Variants in RAP1GDS1 observed in about 807,000 individuals in gnomAD.
RAP1GDS1 encodes the protein RAP1, GTP-GDP dissociation stimulator 1.
In RAP1GDS1, 35 loss-of-function variants were observed where a neutral mutation model predicts 71.1. That is an observed-to-expected ratio of 0.49 (90% CI 0.38 to 0.65). The LOEUF (loss-of-function observed/expected upper bound fraction) is 0.65, where lower values mean the gene tolerates loss of function less well. Among genes scored for constraint, RAP1GDS1 ranks in the 30% least tolerant of loss-of-function variants. RAP1GDS1 has a pLI of 0.00. For synonymous variants in RAP1GDS1, 229 were observed against 243.1 expected, an observed-to-expected ratio of 0.94 and a Z score of 0.54; for missense variants, 663 against 706.1, an observed-to-expected ratio of 0.94 and a Z score of 0.69.
chr4:98,393,659 T>C (rs961548220), intron 6 of RAP1GDS1, among the ~76,000 whole-genome samples: 1 of 152,180 alleles, frequency 6.6e-6, no homozygotes, highest in Non-Finnish European at 1.5e-5. Context: ...GTGAGCAGTT[T>C]CTAGAACAGC....
chr4:98,345,080 G>C (rs575633137), intron 3 of RAP1GDS1, among the ~76,000 whole-genome samples: 1 of 152,228 alleles, frequency 6.6e-6, no homozygotes, highest in East Asian at 1.9e-4. Flanking sequence ...GGATCCTCCC[G>C]CCTTGGCCTC....
At chr4:98,269,634 T>C (rs927470167) in intron 1 of RAP1GDS1, among the ~76,000 whole-genome samples, 4 of 152,054 alleles carry the variant, frequency 2.6e-5, no homozygotes, top group African/African-American at 9.7e-5. Context: ...TAAAATAAAA[T>C]AAAAATACAG....
chr4:98,424,311 A>G (rs556445082), intron 12 of RAP1GDS1, among the ~76,000 whole-genome samples: 6 of 152,138 alleles, frequency 3.9e-5, no homozygotes, highest in Non-Finnish European at 7.3e-5. Flanking sequence ...GGGGTATACA[A>G]TCATTTGGAT....
At chr4:98,351,053 C>T (rs1179951486) in intron 3 of RAP1GDS1, among the ~76,000 whole-genome samples, 4 of 152,084 alleles carry the variant, frequency 2.6e-5, no homozygotes, top group African/African-American at 9.7e-5. Flanking sequence ...CTAAAGTAAC[C>T]ATTAACTAAA....
At chr4:98,422,842 C>T (rs1749081646) in intron 12 of RAP1GDS1, among the ~76,000 whole-genome samples, 1 of 152,194 alleles carries the variant, frequency 6.6e-6, no homozygotes, top group Non-Finnish European at 1.5e-5. Context: ...TTACCTGTCT[C>T]ACCCAGACCA....
intron 14 of RAP1GDS1, chr4:98,441,250 T>C (rs959876934): frequency 1.4e-5 from 11 of 784,306 alleles, no homozygotes; most frequent in African/African-American, 1.9e-5. Context: ...ATTAAGCTTA[T>C]TAGACTTCAC....
intron 14 of RAP1GDS1, among the ~76,000 whole-genome samples, chr4:98,437,320 T>C (rs772774128): frequency 1.2e-4 from 19 of 152,172 alleles, no homozygotes; most frequent in Non-Finnish European, 2.1e-4. Context: ...AACTGTATAA[T>C]AGATAGAATT....
At position 98,293,480 on chromosome 4, in the gene RAP1GDS1, G is replaced by A. The variant is rs1405926815; in HGVS notation, c.77G>A (p.Cys26Tyr). 1 of 1,609,950 alleles carries A rather than the reference G, an allele frequency of 6.2e-7. No homozygotes were observed. The highest frequency in any genetic ancestry group is 8.5e-7 in the Non-Finnish European group (1 of 1,178,470). Reference sequence around the variant, plus strand: ...AAGACTGAGGATAGTTTAGAAGGATGCTTGGATTGTCTGCTTCAAGCCCTG... The same window carrying A: ...AAGACTGAGGATAGTTTAGAAGGATACTTGGATTGTCTGCTTCAAGCCCTG... Reference protein sequence around the residue: ...VDKTEDSLEGCLDCLLQALAQ... With the variant: ...VDKTEDSLEGYLDCLLQALAQ... Residue 26 changes from cysteine (C) to tyrosine (Y), a missense_variant, in exon 2 of 15, where the codon TGC becomes TAC. Coordinates refer to ENST00000408927, the MANE Select transcript of RAP1GDS1 (RefSeq NM_001100427.2).
intron 3 of RAP1GDS1, among the ~76,000 whole-genome samples, chr4:98,350,346 G>A (rs1047842965): frequency 6.6e-6 from 1 of 152,162 alleles, no homozygotes; most frequent in African/African-American, 2.4e-5. Context: ...TGGGAACCAG[G>A]CATAGTTCAG....
chr4:98,365,275 T>C (rs920715075), intron 4 of RAP1GDS1, among the ~76,000 whole-genome samples: 4 of 152,054 alleles, frequency 2.6e-5, no homozygotes, highest in African/African-American at 9.7e-5. Context: ...CAGACAAGTA[T>C]CTATTGCTTT....
chr4:98,295,551 A>G (rs1055885309), intron 2 of RAP1GDS1, among the ~76,000 whole-genome samples: 4 of 152,050 alleles, frequency 2.6e-5, no homozygotes, highest in Admixed American at 1.3e-4. Flanking sequence ...TGAGGTAGGT[A>G]TTATTATCAC....
chr4:98,431,333 C>G (rs552590665), intron 12 of RAP1GDS1, among the ~76,000 whole-genome samples: 2 of 152,308 alleles, frequency 1.3e-5, no homozygotes, highest in African/African-American at 2.4e-5. Context: ...TACCTCAAAT[C>G]AAAGCCTATC....
At chr4:98,383,815 C>G (rs1298855953) in intron 5 of RAP1GDS1, among the ~76,000 whole-genome samples, 1 of 151,478 alleles carries the variant, frequency 6.6e-6, no homozygotes, top group Admixed American at 6.6e-5. Flanking sequence ...AACTAAAAAG[C>G]ATGTTGGCCT....
At chr4:98,357,359 G>A (rs1281203825) in intron 4 of RAP1GDS1, among the ~76,000 whole-genome samples, 1 of 151,858 alleles carries the variant, frequency 6.6e-6, no homozygotes, top group Admixed American at 6.6e-5. Flanking sequence ...TCATCAATCT[G>A]TTGTATTTTA....
At chr4:98,349,548 T>C (rs1349178212) in intron 3 of RAP1GDS1, among the ~76,000 whole-genome samples, 3 of 152,198 alleles carry the variant, frequency 2.0e-5, no homozygotes, top group Non-Finnish European at 2.9e-5. Flanking sequence ...ATCTATAAAT[T>C]ACTTTGGGCA....
intron 2 of RAP1GDS1, among the ~76,000 whole-genome samples, chr4:98,331,920 T>C (rs1424922456): frequency 6.6e-6 from 1 of 152,140 alleles, no homozygotes; most frequent in Non-Finnish European, 1.5e-5. Context: ...AGAGTAATAA[T>C]CAAAAGACTT....
intron 2 of RAP1GDS1, among the ~76,000 whole-genome samples, chr4:98,299,849 G>A (rs1040215248): frequency 6.6e-6 from 1 of 151,902 alleles, no homozygotes. Context: ...TCGAACTCCT[G>A]ACCTTGTGAT....
In RAP1GDS1 at chr4:98,365,213, G is replaced by C. The variant is rs558221490; in HGVS notation, c.361+12612G>C. 2.6e-5 allele frequency among the ~76,000 whole-genome samples: 4 copies of C among 152,212 alleles called. No individual in the cohort carries two copies. In the East Asian group the frequency reaches 7.7e-4, roughly 29 times the overall value. The stretch of plus-strand genomic sequence containing the variant: ...AACCCAATTAAAAATTTGAGAGTTT[G>C]ACTCTTCCCAGTAAACCAGCTAGAC... On this transcript the variant is annotated intron_variant, in intron 4 of 14. Transcript: ENST00000408927.
intron 6 of RAP1GDS1, among the ~76,000 whole-genome samples, chr4:98,399,043 A>G (rs919529128): frequency 6.6e-6 from 1 of 152,088 alleles, no homozygotes; most frequent in African/African-American, 2.4e-5. Context: ...AATACCAATG[A>G]CTTTTTTTTT....
Sources: allele counts gnomAD v4.1 joint callset (sites outside exome capture counted in the v4.1 genomes callset), GRCh38; gene constraint gnomAD v4.1.1; transcripts MANE v1.5; gene names NCBI Gene and HGNC (gene_info 2026-07-23, HGNC 2026-07-21).